The following PLB1 variants were observed in gnomAD, a reference collection of about 807,000 sequenced individuals.
PLB1 encodes phospholipase B1, membrane-associated.
Under a neutral mutation model 227.4 loss-of-function variants are expected in PLB1, and 242 were observed. That is an observed-to-expected ratio of 1.06 (90% CI 0.96 to 1.18). The LOEUF (loss-of-function observed/expected upper bound fraction) is 1.18. PLB1 is among the 50% of genes most tolerant of loss of function. The pLI is 0.00. For missense variants in PLB1, 1,858 were observed against 1,816.3 expected, an observed-to-expected ratio of 1.02 and a Z score of -0.42; for synonymous variants, 757 against 682.2, an observed-to-expected ratio of 1.11 and a Z score of -1.71.
chr2:28,629,388 C>T (rs1392643322), intron 53 of PLB1, among the ~76,000 whole-genome samples: 1 of 152,178 alleles, frequency 6.6e-6, no homozygotes, highest in African/African-American at 2.4e-5. Flanking sequence ...CTCTGGACCC[C>T]CTTTTGCTTT....
Position 28,640,969 on chromosome 2 carries a change from C to G in PLB1, c.4141C>G (p.His1381Asp). Residue 1381 changes from histidine (H) to aspartate (D), a missense_variant, in exon 57 of 58, where the codon CAC becomes GAC. His to Asp is a moderately conservative substitution (Grantham distance 81). Transcript: ENST00000327757. ...CAAGACTACCTCCAACAACTTCACCCACAGCCGAGCCAAACTCAAGTGCCC... is the reference window on the plus strand; with the variant it reads ...CAAGACTACCTCCAACAACTTCACCGACAGCCGAGCCAAACTCAAGTGCCC... Reference protein sequence around the residue: ...GRKTTSNNFTHSRAKLKCPSP... With the variant: ...GRKTTSNNFTDSRAKLKCPSP... The G allele has an allele frequency of 6.2e-7, 1 of 1,613,922 alleles. No homozygotes were observed. Among genetic ancestry groups the G allele is most frequent in the African/African-American group, 1.3e-5 (1 of 75,054 alleles).
At chr2:28,507,879 T>C (rs901904905) in intron 1 of PLB1, among the ~76,000 whole-genome samples, 2 of 152,116 alleles carry the variant, frequency 1.3e-5, no homozygotes, top group African/African-American at 4.8e-5. Flanking sequence ...TATTTAATTA[T>C]GGTTTGAGAC....
chr2:28,530,025 A>AT (rs1460285869), intron 8 of PLB1, among the ~76,000 whole-genome samples: 1 of 151,848 alleles, frequency 6.6e-6, no homozygotes, highest in African/African-American at 2.4e-5. Context: ...AGACTGGCTA[A>AT]TTTTTATATT....
In PLB1 at chr2:28,540,442, G is replaced by T; in HGVS notation, c.774+1G>T. On this transcript the variant is annotated splice_donor_variant, in intron 12 of 57. Transcript: ENST00000327757. LOFTEE classifies it high-confidence loss of function. ...GGTGGTGATGCAGTGGTCTTATCAG[G>T]TGAGCCCAACCTGGGATCCCAAGCT... is the stretch of plus-strand genomic sequence containing the variant. The T allele has an allele frequency of 6.2e-7, 1 of 1,613,704 alleles. No homozygotes were observed. Among genetic ancestry groups the T allele is most frequent in the Non-Finnish European group, 8.5e-7 (1 of 1,179,860 alleles).
At chr2:28,637,572 C>G (rs576762221) in intron 56 of PLB1, among the ~76,000 whole-genome samples, 1 of 152,336 alleles carries the variant, frequency 6.6e-6, no homozygotes, top group Non-Finnish European at 1.5e-5. Context: ...AGGAGGCAGG[C>G]CAGGCCCCAT....
At chr2:28,565,811 C>T (rs1426216957) in intron 19 of PLB1, among the ~76,000 whole-genome samples, 2 of 152,204 alleles carry the variant, frequency 1.3e-5, no homozygotes, top group Non-Finnish European at 2.9e-5. Flanking sequence ...TGAGCACTGT[C>T]TGAGGGCTAG....
At chr2:28,496,976 T>C (rs1289790804) in intron 1 of PLB1, among the ~76,000 whole-genome samples, 1 of 152,228 alleles carries the variant, frequency 6.6e-6, no homozygotes, top group Non-Finnish European at 1.5e-5. Context: ...TCTGAGCCCA[T>C]GCTTGAGGCT....
intron 14 of PLB1, 45 bp from the exon 15 acceptor site, chr2:28,548,815 A>G (rs1335216029): frequency 6.3e-7 from 1 of 1,583,198 alleles, no homozygotes. Context: ...GCAGGCTGCT[A>G]CCTGCACAAA....
intron 41 of PLB1, among the ~76,000 whole-genome samples, chr2:28,605,045 G>T (rs13019586): frequency 6.6e-6 from 1 of 152,166 alleles, no homozygotes; most frequent in Non-Finnish European, 1.5e-5. Flanking sequence ...GTGATCATCC[G>T]CATGGAACAC....
intron 1 of PLB1, among the ~76,000 whole-genome samples, chr2:28,499,523 G>GTT (rs112085758): frequency 1.6e-3 from 225 of 136,706 alleles, no homozygotes; most frequent in African/African-American, 4.3e-3. Context: ...CTGCACAACA[G>GTT]TTTTTTTTTT....
chr2:28,504,696 T>G (rs751841647), intron 1 of PLB1, among the ~76,000 whole-genome samples: 8 of 152,074 alleles, frequency 5.3e-5, no homozygotes, highest in African/African-American at 1.2e-4. Flanking sequence ...GAGCCGAGAT[T>G]GGGCCACTAC....
chr2:28,569,592 T>A (rs1420847305), intron 20 of PLB1, among the ~76,000 whole-genome samples: 1 of 152,186 alleles, frequency 6.6e-6, no homozygotes, highest in Non-Finnish European at 1.5e-5. Flanking sequence ...ACAAATTGTA[T>A]GCCAATAAAT....
chr2:28,589,678 G>C lies in PLB1; in HGVS notation c.1924G>C (p.Gly642Arg), dbSNP rs201142749. 1 of 1,614,076 alleles carries C rather than the reference G, an allele frequency of 6.2e-7. No individual in the cohort carries two copies. Among genetic ancestry groups the C allele is most frequent in the East Asian group, 2.2e-5 (1 of 44,880 alleles). ...ENVDMPKTSE[G>R]LPDNSFFAPD... Reference sequence around the variant, plus strand: ...TCTTTTTCTGCCCGGTGACCAGGAAGGATTGCCTGACAACTCTTTCTTCGC... The same window carrying C: ...TCTTTTTCTGCCCGGTGACCAGGAACGATTGCCTGACAACTCTTTCTTCGC... Residue 642 changes from glycine (G) to arginine (R), a missense_variant, in exon 28 of 58, where the codon GGA (glycine) becomes CGA (arginine). By Grantham distance (125) the Gly-to-Arg change is moderately radical. Transcript: ENST00000327757.
intron 19 of PLB1, 115 bp downstream of exon 19, chr2:28,565,468 T>C: frequency 1.1e-6 from 1 of 883,172 alleles, no homozygotes; most frequent in Non-Finnish European, 1.7e-6. Context: ...TTTGTTCTTT[T>C]CTATGACCAA....
intron 1 of PLB1, among the ~76,000 whole-genome samples, chr2:28,509,246 G>A (rs945026016): frequency 3.9e-5 from 6 of 152,154 alleles, no homozygotes; most frequent in African/African-American, 1.4e-4. Context: ...CTTTAATTTT[G>A]CTTTTGAAAT....
Position 28,581,611 on chromosome 2 carries a change from C to T in PLB1, c.1567-457C>T, listed in dbSNP as rs193187079. ...AACCTGAGGATCATGGGGCTGGTGT[C>T]CAGGCTGGGGCCCCAAAGACAAACA... On this transcript the variant is annotated intron_variant, in intron 23 of 57. Transcript: ENST00000327757. Among the ~76,000 whole-genome samples, 174 of 152,104 alleles carry T rather than the reference C, an allele frequency of 1.1e-3. 1 individual carries two copies. Among genetic ancestry groups the T allele is most frequent in the African/African-American group, 4.0e-3 (166 of 41,468 alleles).
chr2:28,523,376 A>G (rs1387503293), intron 4 of PLB1, among the ~76,000 whole-genome samples: 1 of 130,802 alleles, frequency 7.6e-6, no homozygotes, highest in Non-Finnish European at 1.6e-5. Flanking sequence ...AGTGTCATAG[A>G]TATTTTTCCT....
chr2:28,565,484 A>C, intron 19 of PLB1, 131 bp downstream of exon 19: 1 of 752,438 alleles, frequency 1.3e-6, no homozygotes, highest in Admixed American at 2.8e-5. Flanking sequence ...ACCAACTTCT[A>C]GGTTTAATTT....
Position 28,590,909 on chromosome 2 carries a change from C to T in PLB1, c.2089-224C>T, listed in dbSNP as rs546928058. On this transcript the variant is annotated intron_variant, in intron 29 of 57. Coordinates refer to ENST00000327757, the MANE Select transcript of PLB1 (RefSeq NM_153021.5). The stretch of plus-strand genomic sequence containing the variant: ...ACGCGGGAGGTGGAAGGAAGACAGG[C>T]GCGTTCCCGTGAAGCATGAATTGAT... 2.6e-5 allele frequency among the ~76,000 whole-genome samples: 4 copies of T among 152,280 alleles called. No individual in the cohort carries two copies. The East Asian group carries it at 7.7e-4, about 29-fold the overall frequency.
Sources: allele counts gnomAD v4.1 joint callset (sites outside exome capture counted in the v4.1 genomes callset), GRCh38; gene constraint gnomAD v4.1.1; transcripts MANE v1.5; gene names NCBI Gene and HGNC (gene_info 2026-07-23, HGNC 2026-07-21).